The following MYH16 variants were observed in gnomAD, a reference collection of about 807,000 sequenced individuals.
MYH16 encodes the protein myosin heavy chain 16.
At chr7:99,279,472 T>G (rs1792170081) in intron 21 of MYH16, 38 bp from the exon 4 acceptor site, 1 of 454,226 alleles carries the variant, frequency 2.2e-6, no homozygotes, top group Non-Finnish European at 4.4e-6. Flanking sequence ...GGTCTTTGCC[T>G]GGACCCTGTC....
chr7:99,290,753 AG>A (rs2150827338), intron 30 of MYH16: 1 of 151,416 alleles, frequency 6.6e-6, no homozygotes, highest in East Asian at 1.9e-4. Context: ...CAGTGAGACG[AG>A]AGCACGCCAC....
intron 18 of MYH16, among the ~76,000 whole-genome samples, chr7:99,270,104 A>ATCTCATGC (rs1164909259): frequency 8.6e-5 from 13 of 150,794 alleles, no homozygotes; most frequent in Non-Finnish European, 1.9e-4. Context: ...TGAACTCCTG[A>ATCTCATGC]TCTGCCCGTC....
intron 1 of MYH16, among the ~76,000 whole-genome samples, chr7:99,239,374 A>T (rs750817949): frequency 7.2e-5 from 11 of 152,218 alleles, no homozygotes; most frequent in Non-Finnish European, 1.3e-4. Flanking sequence ...TCTAAGCATG[A>T]GAGTGAGCAT....
At chr7:99,283,984 C>A in exon 25 of MYH16, 1 of 455,118 alleles carries the variant, frequency 2.2e-6, no homozygotes, top group South Asian at 1.6e-5. Context: ...TGAGATGGAG[C>A]GTTCCAAGCT....
At chr7:99,269,967 G>A (rs183826829) in intron 18 of MYH16, among the ~76,000 whole-genome samples, 75 of 145,914 alleles carry the variant, frequency 5.1e-4, no homozygotes, top group Middle Eastern at 4.0e-3. Context: ...TCCGCCTCCC[G>A]GGTTTAAGCG....
chr7:99,294,500 CAAAAAAA>C (rs1159682450), intron 33 of MYH16, among the ~76,000 whole-genome samples: 60 of 25,566 alleles, frequency 2.3e-3, no homozygotes, highest in South Asian at 7.6e-3. Context: ...GACCCTGTCT[CAAAAAAA>C]AAAAAAAAAA....
At chr7:99,292,586 C>A in intron 32 of MYH16, 78 bp downstream of exon 13, 1 of 432,024 alleles carries the variant, frequency 2.3e-6, no homozygotes, top group South Asian at 1.6e-5. Context: ...ATGTCAGTCA[C>A]TGCTGAGGCC....
chr7:99,269,260 C>T (rs1251473576), intron 18 of MYH16, among the ~76,000 whole-genome samples: 3 of 151,980 alleles, frequency 2.0e-5, no homozygotes, highest in Non-Finnish European at 4.4e-5. Flanking sequence ...TGAATTTTGA[C>T]ATGAACCATT....
chr7:99,270,155 G>A (rs1443305035), intron 18 of MYH16, among the ~76,000 whole-genome samples: 8 of 151,844 alleles, frequency 5.3e-5, no homozygotes, highest in African/African-American at 1.7e-4. Flanking sequence ...GTGAGCCATC[G>A]TGCCTGGCCT....
At chr7:99,301,310 C>T (rs897105987) in intron 37 of MYH16, among the ~76,000 whole-genome samples, 8 of 152,012 alleles carry the variant, frequency 5.3e-5, no homozygotes, top group African/African-American at 1.9e-4. Flanking sequence ...GGAAGGCCTC[C>T]TGGAGAAGGC....
chr7:99,270,059 A>T (rs1382068266), intron 18 of MYH16, among the ~76,000 whole-genome samples: 2 of 145,762 alleles, frequency 1.4e-5, no homozygotes, highest in Non-Finnish European at 3.0e-5. Flanking sequence ...ATTTTTAATA[A>T]AGACGGGGTT....
At chr7:99,285,244 C>T (rs942776446) in intron 26 of MYH16, 138 bp from the exon 9 acceptor site, 2 of 395,934 alleles carry the variant, frequency 5.1e-6, no homozygotes, top group Non-Finnish European at 1.0e-5. Flanking sequence ...TGCACTTGCT[C>T]TCTGGGATCT....
At chr7:99,264,831 C>A (rs1159862036) in intron 15 of MYH16, among the ~76,000 whole-genome samples, 1 of 152,168 alleles carries the variant, frequency 6.6e-6, no homozygotes, top group Non-Finnish European at 1.5e-5. Flanking sequence ...TACAACGACC[C>A]AGCTCTGAAT....
chr7:99,282,711 A>G (rs1461969550), intron 23 of MYH16, among the ~76,000 whole-genome samples: 1 of 152,048 alleles, frequency 6.6e-6, no homozygotes, highest in African/African-American at 2.4e-5. Context: ...AAAACTAGAA[A>G]AAAAATTAGC....
intron 20 of MYH16, among the ~76,000 whole-genome samples, chr7:99,274,146 C>T (rs547620032): frequency 6.6e-5 from 10 of 152,190 alleles, no homozygotes; most frequent in South Asian, 2.1e-4. Context: ...CCTGTTCTTC[C>T]GAAACAGCAA....
chr7:99,281,708 C>A (rs1425927271), intron 23 of MYH16, among the ~76,000 whole-genome samples: 3 of 152,182 alleles, frequency 2.0e-5, no homozygotes, highest in Non-Finnish European at 4.4e-5. Flanking sequence ...GACACTGTGG[C>A]AACAACAGGC....
chr7:99,296,631 T>TG (rs958373356), intron 33 of MYH16, 70 bp from the exon 15 acceptor site: 37 of 413,440 alleles, frequency 8.9e-5, no homozygotes, highest in Admixed American at 3.9e-4. Flanking sequence ...GAGAGGTTGG[T>TG]GGGGGGGTGG....
intron 36 of MYH16, among the ~76,000 whole-genome samples, chr7:99,299,213 C>T (rs1471526039): frequency 6.6e-6 from 1 of 152,136 alleles, no homozygotes; most frequent in African/African-American, 2.4e-5. Flanking sequence ...ACTACTACAC[C>T]ATCACAGAAT....
intron 10 of MYH16, among the ~76,000 whole-genome samples, chr7:99,257,749 T>A (rs1326736954): frequency 6.6e-6 from 1 of 152,142 alleles, no homozygotes; most frequent in Non-Finnish European, 1.5e-5. Flanking sequence ...TAGGCTCAAA[T>A]GATCCTCCTG....
Sources: gnomAD v4.1 joint callset for allele counts (sites outside exome capture counted in the v4.1 genomes callset) on GRCh38, gnomAD v4.1.1 for gene constraint, MANE v1.5 for transcripts, NCBI Gene and HGNC (gene_info 2026-07-23, HGNC 2026-07-21) for gene names.